PAIP1: variants seen among roughly 807,000 people sequenced by gnomAD.
PAIP1 encodes the protein poly(A) binding protein interacting protein 1.
Under a neutral mutation model 61.3 loss-of-function variants are expected in PAIP1, and 16 were observed. The ratio of observed to expected loss-of-function variants is 0.26; its 90% CI spans 0.18 to 0.40. PAIP1 has a LOEUF of 0.40. Ranked by LOEUF, PAIP1 falls within the 10% of genes least tolerant of loss-of-function variation. PAIP1 has a pLI of 1.00. For missense variants in PAIP1, 416 were observed against 600.9 expected (o/e 0.69, Z 3.22); for synonymous variants, 187 against 226.2 (o/e 0.83, Z 1.56).
At chr5:43,529,748 C>T (rs1173021926) in intron 10 of PAIP1, 38 bp downstream of exon 10, 5 of 1,051,616 alleles carry the variant, frequency 4.8e-6, no homozygotes, top group Admixed American at 1.7e-5. Context: ...AAATTAGACA[C>T]AGAAATTTCA....
rs770528484 is a variant in PAIP1, at chr5:43,542,177, GA to G, written c.734+826del. ...GGTGACAGAGCAAGACTCGGTCTCGGAAAAAAAAAAAAAAATCCCACAAAAG... is the reference window on the plus strand; with the variant it reads ...GGTGACAGAGCAAGACTCGGTCTCGGAAAAAAAAAAAAAATCCCACAAAAG... On this transcript the variant is annotated intron_variant, in intron 4 of 10. Coordinates refer to ENST00000306846, the MANE Select transcript of PAIP1 (RefSeq NM_006451.5). Among the ~76,000 whole-genome samples the G allele has an allele frequency of 7.9e-3, 975 of 123,420 alleles. 7 individuals carry two copies. Among genetic ancestry groups the G allele is most frequent in the African/African-American group, 0.015 (503 of 33,248 alleles). The allele number at this position is 123,420 out of a possible 152,430, so 81.0% of individuals were successfully genotyped here. A position where few individuals can be genotyped will look rare whatever the true frequency, so the allele number is the denominator to read the frequency against.
chr5:43,555,077 C>T (rs55695344), intron 2 of PAIP1, among the ~76,000 whole-genome samples: 2,820 of 152,218 alleles, frequency 0.019, 94 homozygotes, highest in African/African-American at 0.064. Flanking sequence ...GCAAAACTAT[C>T]CTATGAAGTC....
intron 9 of PAIP1, among the ~76,000 whole-genome samples, chr5:43,530,494 G>A (rs772226751): frequency 2.6e-5 from 4 of 152,168 alleles, no homozygotes; most frequent in Non-Finnish European, 5.9e-5. Flanking sequence ...ATAAAAAAAT[G>A]AATCAGTATA....
intron 6 of PAIP1, 64 bp from the exon 7 acceptor site, chr5:43,535,704 T>C (rs2112386882): frequency 3.5e-6 from 3 of 853,114 alleles, no homozygotes; most frequent in African/African-American, 1.7e-5. Flanking sequence ...TCTAAAAAGA[T>C]ACCAGTAACA....
chr5:43,528,407 T>C (rs1302719950), intron 10 of PAIP1, among the ~76,000 whole-genome samples: 1 of 152,104 alleles, frequency 6.6e-6, no homozygotes, highest in Non-Finnish European at 1.5e-5. Flanking sequence ...TCCTTTTCTG[T>C]TTCTTCCCCA....
At chr5:43,532,711 C>A (rs1232651978) in intron 9 of PAIP1, among the ~76,000 whole-genome samples, 1 of 152,116 alleles carries the variant, frequency 6.6e-6, no homozygotes, top group African/African-American at 2.4e-5. Flanking sequence ...GTAACCAAAA[C>A]CCTCAGCTAA....
At chr5:43,530,856 T>C (rs2112376013) in intron 9 of PAIP1, among the ~76,000 whole-genome samples, 1 of 152,180 alleles carries the variant, frequency 6.6e-6, no homozygotes, top group South Asian at 2.1e-4. Flanking sequence ...TTGGTCTCGG[T>C]AACTAAGGGG....
chr5:43,551,600 C>T (rs1747869296), intron 2 of PAIP1, among the ~76,000 whole-genome samples: 2 of 152,170 alleles, frequency 1.3e-5, no homozygotes, highest in Non-Finnish European at 2.9e-5. Flanking sequence ...ACTAGTTTTA[C>T]AGACTTGTAG....
chr5:43,555,755 ACT>A, intron 2 of PAIP1, 73 bp downstream of exon 2: 1 of 1,303,506 alleles, frequency 7.7e-7, no homozygotes, highest in Admixed American at 2.3e-5. Flanking sequence ...GCACAAACAT[ACT>A]CTGATTAACA....
In PAIP1 at chr5:43,529,896, G is replaced by T; in HGVS notation, c.1253-17C>A. The T allele has an allele frequency of 9.0e-7, 1 of 1,106,450 alleles. No individual in the cohort carries two copies. Among genetic ancestry groups the T allele is most frequent in the Non-Finnish European group, 1.4e-6 (1 of 717,828 alleles). The allele number at this position is 1,106,450 out of a possible 1,614,324, so 68.5% of individuals were successfully genotyped here. A position where few individuals can be genotyped will look rare whatever the true frequency, so the allele number is the denominator to read the frequency against. ...CTTGGTAATCTGTAAGACAACATAG[G>T]AGAAAAACTAAATACTGAAAAAATA... is the stretch of plus-strand genomic sequence containing the variant. On this transcript the variant is annotated splice_polypyrimidine_tract_variant and intron_variant, in intron 9 of 10. Transcript: ENST00000306846.
chr5:43,550,974 C>G (rs867852361), intron 2 of PAIP1, among the ~76,000 whole-genome samples: 66 of 151,700 alleles, frequency 4.4e-4, no homozygotes, highest in African/African-American at 1.6e-3. Flanking sequence ...ACAAGAAGCA[C>G]ACAGGCCCCA....
At chr5:43,535,195 C>G (rs767707424) in intron 7 of PAIP1, among the ~76,000 whole-genome samples, 2 of 152,040 alleles carry the variant, frequency 1.3e-5, no homozygotes, top group Non-Finnish European at 2.9e-5. Flanking sequence ...AGTGGCTATC[C>G]TTCAAACATT....
intron 10 of PAIP1, among the ~76,000 whole-genome samples, chr5:43,528,430 G>A (rs1178311237): frequency 6.6e-6 from 1 of 151,918 alleles, no homozygotes; most frequent in Non-Finnish European, 1.5e-5. Flanking sequence ...TCCAATACAG[G>A]GCCATGTGTT....
rs536154696 is a variant in PAIP1 at position 43,526,685 on chromosome 5, C to T, written c.*691G>A. On this transcript the variant is annotated 3_prime_UTR_variant, in exon 11 of 11. Coordinates refer to ENST00000306846, the MANE Select transcript of PAIP1 (RefSeq NM_006451.5). ...CATATAAATAAAGCAGAATAATGTT[C>T]TAGCCTTTAAGGTAATGAAGTTAGT... 99 of 134,936 alleles carry T rather than the reference C, an allele frequency of 7.3e-4. No individual in the cohort carries two copies. Among genetic ancestry groups the T allele is most frequent in the Non-Finnish European group, 1.2e-3 (78 of 62,970 alleles). The allele number at this position is 134,936 out of a possible 1,614,324, so 8.4% of individuals were successfully genotyped here.
chr5:43,554,856 C>A (rs560729766), intron 2 of PAIP1, among the ~76,000 whole-genome samples: 1 of 152,120 alleles, frequency 6.6e-6, no homozygotes, highest in Non-Finnish European at 1.5e-5. Context: ...AGGCATACAG[C>A]CAGCAAGACA....
At chr5:43,531,215 T>A (rs1746914687) in intron 9 of PAIP1, among the ~76,000 whole-genome samples, 1 of 151,298 alleles carries the variant, frequency 6.6e-6, no homozygotes, top group South Asian at 2.1e-4. Flanking sequence ...AAACAAAAAA[T>A]TTGTCCAAGT....
chr5:43,556,436 C>G lies in PAIP1; in HGVS notation c.265+146G>C, dbSNP rs960388811. The G allele has an allele frequency of 2.5e-6, 3 of 1,212,046 alleles. No homozygotes were observed. In the African/African-American group the frequency reaches 4.7e-5, roughly 19 times the overall value. 75.1% of individuals were successfully genotyped at this position (1,212,046 alleles called of 1,614,324 possible). On this transcript the variant is annotated intron_variant, in intron 1 of 10. Transcript: ENST00000306846. ...TCCAAACCCGGTTCCGGGCCCGTCC[C>G]TACCCGGTCACGCGGCCCTCTCGGG...
intron 2 of PAIP1, among the ~76,000 whole-genome samples, chr5:43,549,421 G>T (rs956395510): frequency 6.6e-6 from 1 of 152,074 alleles, no homozygotes; most frequent in Non-Finnish European, 1.5e-5. Context: ...CAGTCTTTCC[G>T]GTGCTATTCT....
chr5:43,543,877 C>A (rs1747523952), intron 3 of PAIP1, among the ~76,000 whole-genome samples: 1 of 152,088 alleles, frequency 6.6e-6, no homozygotes, highest in Non-Finnish European at 1.5e-5. Flanking sequence ...CACAGTGGCT[C>A]ATGCCTGTAT....
Sources: gnomAD v4.1 joint callset for allele counts (sites outside exome capture counted in the v4.1 genomes callset) on GRCh38, gnomAD v4.1.1 for gene constraint, MANE v1.5 for transcripts, NCBI Gene and HGNC (gene_info 2026-07-23, HGNC 2026-07-21) for gene names.